The following EIF4G3 variants were observed in gnomAD, a reference collection of about 807,000 sequenced individuals.
EIF4G3 encodes the protein eIF-4-gamma 3.
EIF4G3 carries 34 observed loss-of-function variants against 186.4 expected under a neutral mutation model. The ratio of observed to expected loss-of-function variants is 0.18; its 90% CI spans 0.14 to 0.24. The LOEUF is 0.24. EIF4G3 is among the 10% of genes least tolerant of loss of function. The pLI is 1.00. For missense variants in EIF4G3, 1,536 were observed against 1,948.5 expected, an observed-to-expected ratio of 0.79 and a Z score of 3.99; for synonymous variants, 673 against 679.5, an observed-to-expected ratio of 0.99 and a Z score of 0.15.
At chr1:20,887,665 A>G (rs1485364103) in intron 18 of EIF4G3, among the ~76,000 whole-genome samples, 1 of 149,900 alleles carries the variant, frequency 6.7e-6, no homozygotes, top group African/African-American at 2.4e-5. Context: ...AAAAAAAAAC[A>G]AACAGGTCAG....
chr1:21,152,904 T>C (rs1322294597), intron 2 of EIF4G3, among the ~76,000 whole-genome samples: 1 of 152,206 alleles, frequency 6.6e-6, no homozygotes, highest in East Asian at 1.9e-4. Flanking sequence ...GGAGGATGGC[T>C]TGAGGCCAGG....
At chr1:20,986,756 A>G (rs1204760497) in intron 7 of EIF4G3, among the ~76,000 whole-genome samples, 1 of 122,820 alleles carries the variant, frequency 8.1e-6, no homozygotes, top group Non-Finnish European at 1.9e-5. Flanking sequence ...AAAAAAAAAA[A>G]AAAAAAAAAA....
chr1:21,150,333 T>A (rs778201106), intron 2 of EIF4G3, among the ~76,000 whole-genome samples: 3 of 152,162 alleles, frequency 2.0e-5, no homozygotes, highest in South Asian at 2.1e-4. Context: ...TGCAATAATA[T>A]GCCATGTCAT....
intron 3 of EIF4G3, among the ~76,000 whole-genome samples, chr1:21,066,192 A>C (rs1206647595): frequency 6.6e-6 from 1 of 151,716 alleles, no homozygotes; most frequent in Non-Finnish European, 1.5e-5. Flanking sequence ...TTGACACCTC[A>C]TCCTAATTGA....
intron 20 of EIF4G3, among the ~76,000 whole-genome samples, chr1:20,869,625 A>T (rs571625617): frequency 1.6e-4 from 24 of 152,004 alleles, no homozygotes; most frequent in Admixed American, 1.4e-3. Flanking sequence ...AATACAAAAA[A>T]TTAGCTGGGC....
intron 2 of EIF4G3, among the ~76,000 whole-genome samples, chr1:21,153,387 T>C (rs1003565808): frequency 4.6e-5 from 7 of 152,214 alleles, no homozygotes; most frequent in Middle Eastern, 3.2e-3. Context: ...CTGAGACCAT[T>C]TGAGAAGGAG....
At chr1:20,853,334 T>C (rs1571674439) in intron 27 of EIF4G3, among the ~76,000 whole-genome samples, 1 of 152,152 alleles carries the variant, frequency 6.6e-6, no homozygotes, top group African/African-American at 2.4e-5. Context: ...GCTGTTTGGG[T>C]GGGCCTAGCT....
At chr1:20,808,127 G>A (rs761700886) in intron 36 of EIF4G3, among the ~76,000 whole-genome samples, 3 of 151,704 alleles carry the variant, frequency 2.0e-5, no homozygotes, top group Admixed American at 6.6e-5. Flanking sequence ...CAGGTGATCC[G>A]CTCATCTTGG....
intron 10 of EIF4G3, among the ~76,000 whole-genome samples, chr1:20,974,068 A>T (rs988512578): frequency 6.6e-6 from 1 of 152,174 alleles, no homozygotes; most frequent in Non-Finnish European, 1.5e-5. Flanking sequence ...TAAGATGAGG[A>T]ATGCTGAAGG....
chr1:21,028,959 A>G lies in EIF4G3; in HGVS notation c.-67+21907T>C, dbSNP rs767230223. ...GGAGTTCATGATCACAGCTCATCGT[A>G]ACCTCTCACTCCTGGATGCCGCAAG... On this transcript the variant is annotated intron_variant, in intron 4 of 36. Transcript: ENST00000602326. Among the ~76,000 whole-genome samples, 86 of 152,272 alleles carry G rather than the reference A, an allele frequency of 5.6e-4. No homozygotes were observed. In the Middle Eastern group the frequency reaches 0.014, roughly 24 times the overall value.
At chr1:20,860,610 A>C in intron 23 of EIF4G3, 93 bp from the exon 24 acceptor site, 1 of 1,376,046 alleles carries the variant, frequency 7.3e-7, no homozygotes, top group Non-Finnish European at 9.9e-7. Context: ...AAAAGTACAA[A>C]ATACCTACAA....
chr1:20,995,234 C>T (rs1048517634), intron 7 of EIF4G3, among the ~76,000 whole-genome samples: 4 of 152,180 alleles, frequency 2.6e-5, no homozygotes, highest in South Asian at 2.1e-4. Context: ...CCACTATTAT[C>T]GAACCCAAGT....
intron 15 of EIF4G3, among the ~76,000 whole-genome samples, chr1:20,902,926 C>A (rs2090863897): frequency 6.6e-6 from 1 of 152,232 alleles, no homozygotes; most frequent in Non-Finnish European, 1.5e-5. Flanking sequence ...TAGGCATGAG[C>A]CACTGCGCCC....
intron 18 of EIF4G3, among the ~76,000 whole-genome samples, chr1:20,886,675 A>G (rs2084264175): frequency 6.6e-6 from 1 of 152,204 alleles, no homozygotes; most frequent in African/African-American, 2.4e-5. Context: ...TTAGTTGAAT[A>G]ACTGTGGACT....
chr1:21,050,828 G>C, intron 4 of EIF4G3, 38 bp downstream of exon 4: 1 of 686,914 alleles, frequency 1.5e-6, no homozygotes, highest in Non-Finnish European at 2.6e-6. Flanking sequence ...TGCCTTTACA[G>C]GGACATTTCT....
intron 2 of EIF4G3, among the ~76,000 whole-genome samples, chr1:21,164,818 T>A (rs1377446252): frequency 1.3e-5 from 2 of 152,078 alleles, no homozygotes; most frequent in Non-Finnish European, 2.9e-5. Flanking sequence ...GAGATCTGAT[T>A]ATGCCATTAC....
chr1:20,975,362 T>C (rs2076640241), intron 10 of EIF4G3, among the ~76,000 whole-genome samples: 1 of 149,396 alleles, frequency 6.7e-6, no homozygotes, highest in African/African-American at 2.5e-5. Context: ...ATCCAAAAGG[T>C]GATCTCTTAA....
At chr1:21,063,579 GT>G (rs745960849) in intron 3 of EIF4G3, among the ~76,000 whole-genome samples, 4 of 151,870 alleles carry the variant, frequency 2.6e-5, no homozygotes, top group Non-Finnish European at 5.9e-5. Context: ...ACAGAAATCG[GT>G]GGTGCACTAA....
At chr1:20,917,760 C>T (rs1159908740) in intron 14 of EIF4G3, among the ~76,000 whole-genome samples, 4 of 152,082 alleles carry the variant, frequency 2.6e-5, no homozygotes, top group Non-Finnish European at 5.9e-5. Flanking sequence ...ATTAACCTTA[C>T]ATCAACTATA....
Sources: allele counts gnomAD v4.1 joint callset (sites outside exome capture counted in the v4.1 genomes callset), GRCh38; gene constraint gnomAD v4.1.1; transcripts MANE v1.5; gene names NCBI Gene and HGNC (gene_info 2026-07-23, HGNC 2026-07-21).